Variants in ZNF512B observed in about 807,000 individuals in gnomAD.
The protein encoded by ZNF512B is zinc finger protein 512B.
In ZNF512B, 22 loss-of-function variants were observed where a neutral mutation model predicts 87.8. That is an observed-to-expected ratio of 0.25 (90% CI 0.18 to 0.36). The LOEUF (loss-of-function observed/expected upper bound fraction) is 0.36. Ranked by LOEUF, ZNF512B falls within the 10% of genes least tolerant of loss-of-function variation. The pLI, the probability that ZNF512B is intolerant of heterozygous loss-of-function variation, is 1.00. For missense variants in ZNF512B, 1,060 were observed against 1,231.6 expected, an observed-to-expected ratio of 0.86 and a Z score of 2.09; for synonymous variants, 524 against 490.9, an observed-to-expected ratio of 1.07 and a Z score of -0.89.
intron 16 of ZNF512B, among the ~76,000 whole-genome samples, chr20:63,960,412 A>G (rs1395881522): frequency 5.0e-5 from 7 of 139,632 alleles, no homozygotes; most frequent in African/African-American, 1.9e-4. Flanking sequence ...GGACCAGGCA[A>G]GCACCTGCAG....
rs942897331 is a variant in ZNF512B, at chr20:63,957,976, C to G, written c.*1912G>C. The G allele has an allele frequency of 6.6e-6, 1 of 152,342 alleles. No individual in the cohort carries two copies. Among genetic ancestry groups the G allele is most frequent in the African/African-American group, 2.4e-5 (1 of 41,452 alleles). The allele number at this position is 152,342 out of a possible 1,614,324, so 9.4% of individuals were successfully genotyped here. A position where few individuals can be genotyped will look rare whatever the true frequency, so the allele number is the denominator to read the frequency against. ...CCCTCTGACGCTGGGTCACGCCCAT[C>G]TCTGCCCCAGCCTCCATCCTCTCAT... On this transcript the variant is annotated 3_prime_UTR_variant, in exon 17 of 17. Transcript: ENST00000369888.
rs145548406 is a variant in ZNF512B, at chr20:63,966,841, C to A, written c.393+35G>T. 4 of 1,612,242 alleles carry A rather than the reference C, an allele frequency of 2.5e-6. No individual in the cohort carries two copies. In the African/African-American group the frequency reaches 5.3e-5, roughly 22 times the overall value. ...CAAGGGCCTCTGCCCAAACACACCCCGAGGCCTCCTCTCCCCCGACCCACA... is the reference window on the plus strand; with the variant it reads ...CAAGGGCCTCTGCCCAAACACACCCAGAGGCCTCCTCTCCCCCGACCCACA... On this transcript the variant is annotated intron_variant, in intron 4 of 16. Coordinates refer to ENST00000369888, the MANE Select transcript of ZNF512B (RefSeq NM_020713.3).
chr20:63,967,533 A>G lies in ZNF512B; in HGVS notation c.122-10T>C, dbSNP rs1226970425. 1 of 1,588,002 alleles carries G rather than the reference A, an allele frequency of 6.3e-7. No individual in the cohort carries two copies. The highest frequency in any genetic ancestry group is 2.3e-5 in the East Asian group (1 of 44,384). ...CGGACCACCGGCATCCCTGCAGCAC[A>G]CAACACAGCAAGGCTCGGAAGCTGT... is the stretch of plus-strand genomic sequence containing the variant. On this transcript the variant is annotated splice_polypyrimidine_tract_variant and intron_variant, in intron 2 of 16. Coordinates refer to ENST00000369888, the MANE Select transcript of ZNF512B (RefSeq NM_020713.3).
Position 63,959,995 on chromosome 20 carries a change from C to T in ZNF512B, c.2572G>A (p.Ala858Thr), listed in dbSNP as rs1055805838. 1.2e-6 allele frequency: 2 copies of T among 1,613,196 alleles called. No individual in the cohort carries two copies. Among genetic ancestry groups the T allele is most frequent in the South Asian group, 1.1e-5 (1 of 91,090 alleles). ...TCGTCCCGGCGCGGGGGCAGCTTGGCCACAGGCTCCTCTGGGGTCCGCTCC... is the reference window on the plus strand; with the variant it reads ...TCGTCCCGGCGCGGGGGCAGCTTGGTCACAGGCTCCTCTGGGGTCCGCTCC... Reference protein sequence around the residue: ...PKERTPEEPVAKLPPRRDDWP... With the variant: ...PKERTPEEPVTKLPPRRDDWP... The change falls in exon 17 of 17, where the codon GCC becomes ACC. Residue 858 changes from alanine (A) to threonine (T), a missense_variant. Around this residue, in one of 9 missense-constraint regions of ZNF512B, gnomAD observed 253 missense variants for 259.2 expected, o/e 0.98. Transcript: ENST00000369888.
At position 63,963,260 on chromosome 20, in the gene ZNF512B, G is replaced by A. The variant is rs766162953; in HGVS notation, c.1803C>T (p.Cys601=). The A allele has an allele frequency of 9.1e-6, 14 of 1,544,806 alleles. No homozygotes were observed. Among genetic ancestry groups the A allele is most frequent in the South Asian group, 5.9e-5 (5 of 84,270 alleles). ...MGRLRCPQEG[C]GAAFSSLMGY... is the part of the protein sequence containing the mutation. Reference sequence around the variant, plus strand: ...CCATGAGGCTGGAGAAGGCAGCCCCGCAACCCTGGGGGTCAGGCCAGAGGG... The same window carrying A: ...CCATGAGGCTGGAGAAGGCAGCCCCACAACCCTGGGGGTCAGGCCAGAGGG... Residue 601 remains cysteine (C), a synonymous_variant, in exon 12 of 17, where the codon TGC becomes TGT. Coordinates refer to ENST00000369888, the MANE Select transcript of ZNF512B (RefSeq NM_020713.3).
chr20:63,960,772 C>T (rs1410680817), intron 16 of ZNF512B, among the ~76,000 whole-genome samples: 7 of 137,736 alleles, frequency 5.1e-5, no homozygotes, highest in Non-Finnish European at 9.3e-5. Flanking sequence ...CAGGGCTGGA[C>T]ACAGCCTTCA....
Position 63,963,326 on chromosome 20 carries a change from G to A in ZNF512B, c.1797+16C>T, listed in dbSNP as rs538062850. 165 of 1,538,508 alleles carry A rather than the reference G, an allele frequency of 1.1e-4. No individual in the cohort carries two copies. The highest frequency in any genetic ancestry group is 7.4e-4 in the South Asian group (62 of 84,018). ...CAGGGCCCCCCCACCCCACACTGCC[G>A]CGGCCCCCCACTGACCTCCTGGGGG... On this transcript the variant is annotated intron_variant, in intron 11 of 16. Transcript: ENST00000369888.
rs1177734102 is a variant in ZNF512B, at chr20:63,963,626, T to C, written c.1690A>G (p.Ser564Gly). The change falls in exon 10 of 17, where the codon AGT becomes GGT. Residue 564 changes from serine (S) to glycine (G), a missense_variant. Physicochemically the swap from Ser to Gly is moderately conservative, Grantham distance 56 (BLOSUM62 0). Around this residue, in one of 9 missense-constraint regions of ZNF512B, gnomAD observed 165 missense variants for 173.0 expected, o/e 0.95. Coordinates refer to ENST00000369888, the MANE Select transcript of ZNF512B (RefSeq NM_020713.3). ...TGGGGGCCCGACGGTACCTTGGCAC[T>C]GTGCTCGGCCATAGTGTGGTAGTTG... ...GLNYHTMAEHSAKPSDAEASE... is the reference protein window; with the variant it reads ...GLNYHTMAEHGAKPSDAEASE... 6.2e-7 allele frequency: 1 copy of C among 1,613,470 alleles called. No individual in the cohort carries two copies. Among genetic ancestry groups the C allele is most frequent in the Non-Finnish European group, 8.5e-7 (1 of 1,179,996 alleles).
intron 6 of ZNF512B, 48 bp from the exon 7 acceptor site, chr20:63,964,439 G>A (rs762851574): frequency 3.7e-5 from 59 of 1,613,460 alleles, no homozygotes; most frequent in East Asian, 1.1e-4. Flanking sequence ...TGAAATAACC[G>A]TCAGGAGGCC....
chr20:63,968,596 A>C (rs2058951035), intron 1 of ZNF512B, among the ~76,000 whole-genome samples: 2 of 152,198 alleles, frequency 1.3e-5, no homozygotes, highest in South Asian at 4.1e-4. Flanking sequence ...CCCCTGGCCC[A>C]ATCTGGCACT....
chr20:63,962,051 C>T (rs1025866298), intron 14 of ZNF512B, 47 bp from the exon 15 acceptor site: 1 of 1,539,684 alleles, frequency 6.5e-7, no homozygotes, highest in African/African-American at 1.4e-5. Flanking sequence ...GGGCACCCCA[C>T]ACCAAGATAT....
chr20:63,963,804 C>T lies in ZNF512B; in HGVS notation c.1590G>A (p.Met530Ile). 6.2e-7 allele frequency: 1 copy of T among 1,613,000 alleles called. No individual in the cohort carries two copies. Among genetic ancestry groups the T allele is most frequent in the Non-Finnish European group, 8.5e-7 (1 of 1,179,976 alleles). Residue 530 changes from methionine (M) to isoleucine (I), a missense_variant, in exon 9 of 17, where the codon ATG becomes ATA. Met to Ile is a conservative substitution (Grantham distance 10). Transcript: ENST00000369888. ...GCTGCCTTACCTTCTGACACACCTC[C>T]ATGTGCTTCTTAAGCCCCACGAGAG... ...RKTLVGLKKHMEVCQKLQDAL... is the reference protein window; with the variant it reads ...RKTLVGLKKHIEVCQKLQDAL...
Position 63,957,243 on chromosome 20 carries a change from A to C in ZNF512B, c.*2645T>G, listed in dbSNP as rs564392597. The stretch of plus-strand genomic sequence containing the variant: ...CGTGTGAGCGTCGGCCCGGTGAGTC[A>C]GCCCTTCCGGGCCCTTTCCTGTTCT... On this transcript the variant is annotated 3_prime_UTR_variant, in exon 17 of 17. Coordinates refer to ENST00000369888, the MANE Select transcript of ZNF512B (RefSeq NM_020713.3). The C allele has an allele frequency of 6.5e-6, 1 of 152,762 alleles. No individual in the cohort carries two copies. Among genetic ancestry groups the C allele is most frequent in the South Asian group, 2.1e-4 (1 of 4,834 alleles). The allele number at this position is 152,762 out of a possible 1,614,324, so 9.5% of individuals were successfully genotyped here. A position where few individuals can be genotyped will look rare whatever the true frequency, so the allele number is the denominator to read the frequency against.
At chr20:63,962,860 A>C in intron 12 of ZNF512B, 79 bp from the exon 13 acceptor site, 1 of 1,408,646 alleles carries the variant, frequency 7.1e-7, no homozygotes, top group Admixed American at 2.5e-5. Context: ...GGCCACCCTA[A>C]GGCCGGTGGA....
rs1352625916 is a variant in ZNF512B, at chr20:63,959,989, G to A, written c.2578C>T (p.Leu860=). 2 of 1,612,988 alleles carry A rather than the reference G, an allele frequency of 1.2e-6. No homozygotes were observed. The highest frequency in any genetic ancestry group is 8.5e-7 in the Non-Finnish European group (1 of 1,179,988). Residue 860 remains leucine (L), a synonymous_variant, in exon 17 of 17, where the codon CTG becomes TTG. Coordinates refer to ENST00000369888, the MANE Select transcript of ZNF512B (RefSeq NM_020713.3). The part of the protein sequence containing the change: ...ERTPEEPVAK[L]PPRRDDWPPG... ...GGCCAGTCGTCCCGGCGCGGGGGCAGCTTGGCCACAGGCTCCTCTGGGGTC... is the reference window on the plus strand; with the variant it reads ...GGCCAGTCGTCCCGGCGCGGGGGCAACTTGGCCACAGGCTCCTCTGGGGTC...
rs529766827 is a variant in ZNF512B at position 63,965,665 on chromosome 20, T to TTCC, written c.1034+473_1034+475dup. Among the ~76,000 whole-genome samples, 31 of 18,084 alleles carry TTCC rather than the reference T, an allele frequency of 1.7e-3. 12 individuals are homozygous for TTCC. The South Asian group carries it at 0.079, about 46-fold the overall frequency. The allele number at this position is 18,084 out of a possible 152,430, so 11.9% of individuals were successfully genotyped here. On this transcript the variant is annotated intron_variant, in intron 5 of 16. Transcript: ENST00000369888. ...GCCCCCATACCTTTTCTCACCACTG[T>TTCC]TCCCTGACCTGGGACGAGCCCCCAT...
intron 16 of ZNF512B, 127 bp from the exon 17 acceptor site, chr20:63,960,266 C>T: frequency 7.9e-6 from 11 of 1,394,848 alleles, no homozygotes; most frequent in Non-Finnish European, 1.1e-5. Context: ...GGGCTGGACA[C>T]AGCCTTTAGG....
Position 63,967,472 on chromosome 20 carries a change from C to G in ZNF512B, c.173G>C (p.Cys58Ser). 2.5e-6 allele frequency: 4 copies of G among 1,612,666 alleles called. No homozygotes were observed. The highest frequency in any genetic ancestry group is 3.4e-6 in the Non-Finnish European group (4 of 1,179,428). Residue 58 changes from cysteine (C) to serine (S), a missense_variant, in exon 3 of 17, where the codon TGC becomes TCC. This residue lies in a region of ZNF512B where 134 missense variants were observed against 153.6 expected (regional missense o/e 0.87). Coordinates refer to ENST00000369888, the MANE Select transcript of ZNF512B (RefSeq NM_020713.3). Reference protein sequence around the residue: ...GQTVPGQAPLCFDPGSPASDK... With the variant: ...GQTVPGQAPLSFDPGSPASDK... Reference sequence around the variant, plus strand: ...ACTGGCTGGACTTCCCGGGTCAAAGCAGAGAGGGGCCTGGCCGGGCACTGT... The same window carrying G: ...ACTGGCTGGACTTCCCGGGTCAAAGGAGAGAGGGGCCTGGCCGGGCACTGT...
At chr20:63,969,594 TG>T (rs921145546) in intron 1 of ZNF512B, among the ~76,000 whole-genome samples, 3 of 88,852 alleles carry the variant, frequency 3.4e-5, no homozygotes, top group Non-Finnish European at 6.6e-5. Context: ...GGGCGCGGGG[TG>T]GGGGGGCGAA....
Sources: allele counts gnomAD v4.1 joint callset (sites outside exome capture counted in the v4.1 genomes callset), GRCh38; gene constraint gnomAD v4.1.1; regional missense constraint gnomAD v4.1.1; transcripts MANE v1.5; gene names NCBI Gene and HGNC (gene_info 2026-07-23, HGNC 2026-07-21).